ANKLE2: variants seen among roughly 807,000 people sequenced by gnomAD.
ANKLE2 encodes the protein ankyrin repeat and LEM domain-containing protein 2.
In ANKLE2, 55 loss-of-function variants were observed where a neutral mutation model predicts 84.2. That is an observed-to-expected ratio of 0.65 (90% CI 0.53 to 0.82). ANKLE2 has a LOEUF of 0.82. ANKLE2 is among the 40% of genes least tolerant of loss of function. The pLI is 0.00. For synonymous variants in ANKLE2, 551 were observed against 486.1 expected (o/e 1.13, Z -1.76); for missense variants, 1,238 against 1,201.9 (o/e 1.03, Z -0.44).
intron 2 of ANKLE2, among the ~76,000 whole-genome samples, chr12:132,751,960 T>A (rs1355376674): frequency 2.0e-5 from 3 of 152,206 alleles, no homozygotes; most frequent in Non-Finnish European, 4.4e-5. Flanking sequence ...GAGACTATCG[T>A]AAATACATAA....
At chr12:132,738,461 C>G (rs1163761349) in intron 7 of ANKLE2, 1 of 152,148 alleles carries the variant, frequency 6.6e-6, no homozygotes, top group Admixed American at 6.5e-5. Context: ...GCTTCCTTTA[C>G]AGTCAATCAT....
chr12:132,754,984 G>C lies in ANKLE2; in HGVS notation c.331C>G (p.Leu111Val). 6.2e-7 allele frequency: 1 copy of C among 1,614,156 alleles called. No individual in the cohort carries two copies. Among genetic ancestry groups the C allele is most frequent in the Non-Finnish European group, 8.5e-7 (1 of 1,180,034 alleles). ...GAAGACAGCCTTCCTCCTTGCTCCA[G>C]TAAAGCCTGAGCCAATTTTTTCTCA... is the stretch of plus-strand genomic sequence containing the variant. ...IFEKKLAQAL[L>V]EQGGRLSSFY... The change falls in exon 2 of 13, where the codon CTG becomes GTG. Residue 111 changes from leucine (L) to valine (V), a missense_variant. Physicochemically the swap from Leu to Val is conservative, Grantham distance 32. Around this residue, in one of 3 missense-constraint regions of ANKLE2, gnomAD observed 422 missense variants for 394.5 expected, o/e 1.07. Coordinates refer to ENST00000357997, the MANE Select transcript of ANKLE2 (RefSeq NM_015114.3).
chr12:132,734,497 C>T lies in ANKLE2; in HGVS notation c.1779G>A (p.Gln593=). ...FLGCFVDLSS[Q]EGLQRLEEYL... The stretch of plus-strand genomic sequence containing the variant: ...ATTCTTCTAGTCTTTGCAGGCCTTC[C>T]TGGGAAGACAGATCAACAAAACAGC... Residue 593 remains glutamine, a synonymous_variant, in exon 10 of 13, where the codon CAG becomes CAA. Transcript: ENST00000357997. 6.2e-7 allele frequency: 1 copy of T among 1,614,048 alleles called. No individual in the cohort carries two copies. The highest frequency in any genetic ancestry group is 2.2e-5 in the East Asian group (1 of 44,878).
intron 3 of ANKLE2, among the ~76,000 whole-genome samples, chr12:132,749,661 G>A (rs1376008544): frequency 6.6e-6 from 1 of 152,202 alleles, no homozygotes; most frequent in Non-Finnish European, 1.5e-5. Context: ...TGTGAGCTGC[G>A]AGAGGGAGCA....
At chr12:132,751,967 A>G (rs56278102) in intron 2 of ANKLE2, among the ~76,000 whole-genome samples, 7,537 of 152,348 alleles carry the variant, frequency 0.049, 608 homozygotes, top group African/African-American at 0.17. Flanking sequence ...TCGTAAATAC[A>G]TAAGATATAC....
chr12:132,742,172 T>C (rs536338542), intron 6 of ANKLE2: 2 of 241,678 alleles, frequency 8.3e-6, no homozygotes, highest in African/African-American at 5.1e-5. Flanking sequence ...CATTCTTATG[T>C]TGAAGTACAG....
Position 132,754,837 on chromosome 12 carries a change from T to G in ANKLE2, c.478A>C (p.Ser160Arg). The G allele has an allele frequency of 3.1e-6, 5 of 1,614,172 alleles. No individual in the cohort carries two copies. Among genetic ancestry groups the G allele is most frequent in the African/African-American group, 1.3e-5 (1 of 75,030 alleles). The change falls in exon 2 of 13, where the codon AGT (serine) becomes CGT (arginine). Residue 160 changes from serine to arginine, a missense_variant. By Grantham distance (110) the Ser-to-Arg change is moderately radical. Around this residue, in one of 3 missense-constraint regions of ANKLE2, gnomAD observed 422 missense variants for 394.5 expected, o/e 1.07. Transcript: ENST00000357997. The part of the protein sequence containing the change: ...GFSEDRDFGY[S>R]VGLNPPEEEA... ...TCCTCTGGAGGATTCAGGCCCACAC[T>G]GTAACCAAAATCTCTGTCTTCAGAA...
chr12:132,745,688 G>C (rs1259759347), intron 5 of ANKLE2: 1 of 178,594 alleles, frequency 5.6e-6, no homozygotes, highest in African/African-American at 2.4e-5. Flanking sequence ...ACAGAGAACA[G>C]CAAGGACAAT....
At position 132,734,489 on chromosome 12, in the gene ANKLE2, A is replaced by C. The variant is rs747456399; in HGVS notation, c.1787T>G (p.Leu596Arg). 1 of 1,614,088 alleles carries C rather than the reference A, an allele frequency of 6.2e-7. No individual in the cohort carries two copies. The highest frequency in any genetic ancestry group is 8.5e-7 in the Non-Finnish European group (1 of 1,180,008). The change falls in exon 10 of 13, where the codon CTG becomes CGG. Residue 596 changes from leucine to arginine, a missense_variant. By Grantham distance (102) the Leu-to-Arg change is moderately radical. Around this residue, in one of 3 missense-constraint regions of ANKLE2, gnomAD observed 802 missense variants for 774.5 expected, o/e 1.04. Transcript: ENST00000357997. Reference protein sequence around the residue: ...CFVDLSSQEGLQRLEEYLTQQ... With the variant: ...CFVDLSSQEGRQRLEEYLTQQ... ...TGTGAGATATTCTTCTAGTCTTTGCAGGCCTTCCTGGGAAGACAGATCAAC... is the reference window on the plus strand; with the variant it reads ...TGTGAGATATTCTTCTAGTCTTTGCCGGCCTTCCTGGGAAGACAGATCAAC...
At chr12:132,745,670 C>T (rs771111243) in intron 5 of ANKLE2, 1 of 172,356 alleles carries the variant, frequency 5.8e-6, no homozygotes, top group Non-Finnish European at 1.3e-5. Context: ...AGTCTAAGGT[C>T]GTGGGTGACA....
At chr12:132,744,699 G>A (rs2044198687) in intron 5 of ANKLE2, among the ~76,000 whole-genome samples, 1 of 150,924 alleles carries the variant, frequency 6.6e-6, no homozygotes, top group South Asian at 2.1e-4. Flanking sequence ...CTTTTTTTTT[G>A]AGACAGAGTC....
chr12:132,746,197 A>C (rs1016005292), intron 5 of ANKLE2, among the ~76,000 whole-genome samples: 1 of 152,088 alleles, frequency 6.6e-6, no homozygotes, highest in Non-Finnish European at 1.5e-5. Flanking sequence ...AAATACAAAA[A>C]AATTAGCCAG....
At position 132,754,757 on chromosome 12, in the gene ANKLE2, G is replaced by A; in HGVS notation, c.558C>T (p.Tyr186=). 6.2e-7 allele frequency: 1 copy of A among 1,614,142 alleles called. No individual in the cohort carries two copies. Among genetic ancestry groups the A allele is most frequent in the Non-Finnish European group, 8.5e-7 (1 of 1,180,030 alleles). Residue 186 remains tyrosine, a synonymous_variant, in exon 2 of 13, where the codon TAC becomes TAT. Transcript: ENST00000357997. ...CCTTAGACGCAGTCGCTCCAGCTCT[G>A]TAGGTGTCGGTGTCACTAGGGGGCA... The part of the protein sequence containing the change: ...CSVPPSDTDT[Y]RAGATASKEP...
rs1199165065 is a variant in ANKLE2 at position 132,743,961 on chromosome 12, G to A, written c.1231-685C>T. Among the ~76,000 whole-genome samples, 7 of 152,272 alleles carry A rather than the reference G, an allele frequency of 4.6e-5. No homozygotes were observed. The highest frequency in any genetic ancestry group is 4.1e-4 in the South Asian group (2 of 4,830). On this transcript the variant is annotated intron_variant, in intron 5 of 12. Transcript: ENST00000357997. This position sits in a 1 kb window ranked among gnomAD's most constrained non-coding sequence, Gnocchi z 4.1. ...GGTCTGTACTCAAAGAAGTCTCTGC[G>A]GCCTGTGACACCACAGTAAACGAAA...
chr12:132,735,808 G>A (rs1484577790), intron 8 of ANKLE2, among the ~76,000 whole-genome samples: 6 of 152,196 alleles, frequency 3.9e-5, no homozygotes, highest in African/African-American at 9.7e-5. Context: ...GACAGTGGAC[G>A]GCTCGGAGCT....
At chr12:132,735,889 C>A (rs2043999683) in intron 8 of ANKLE2, among the ~76,000 whole-genome samples, 1 of 152,248 alleles carries the variant, frequency 6.6e-6, no homozygotes, top group African/African-American at 2.4e-5. Context: ...AGTCACTCTC[C>A]CTAGAGCTTT....
intron 6 of ANKLE2, chr12:132,742,005 C>T (rs1333629148): frequency 2.9e-6 from 1 of 347,842 alleles, no homozygotes; most frequent in Admixed American, 4.3e-5. Context: ...GAAAAACCAA[C>T]AACCTTCAAA....
At chr12:132,754,152 G>C (rs543593126) in intron 2 of ANKLE2, among the ~76,000 whole-genome samples, 101 of 152,226 alleles carry the variant, frequency 6.6e-4, no homozygotes, top group Middle Eastern at 3.4e-3. Context: ...TGAGGCAGGA[G>C]AATCGCTTAA....
In ANKLE2 at chr12:132,730,109, G is replaced by A. The variant is rs1399379785; in HGVS notation, c.2053C>T (p.Leu685Phe). The A allele has an allele frequency of 2.4e-5, 38 of 1,612,422 alleles. No homozygotes were observed. The highest frequency in any genetic ancestry group is 3.2e-5 in the Non-Finnish European group (38 of 1,179,770). The change falls in exon 11 of 13, where the codon CTC becomes TTC. Residue 685 changes from leucine to phenylalanine, a missense_variant. By Grantham distance (22) the Leu-to-Phe change is conservative. This residue lies in a region of ANKLE2 where 802 missense variants were observed against 774.5 expected (regional missense o/e 1.04). Transcript: ENST00000357997. ...CCTCCCGGCTCGGCGGCTTCTATGA[G>A]GTCTGCCTCCTGCTCCAAGGGGAAG... The part of the protein sequence containing the change: ...SAFPLEQEAD[L>F]IEAAEPGGPH...
Sources: allele counts gnomAD v4.1 joint callset (sites outside exome capture counted in the v4.1 genomes callset), GRCh38; gene constraint gnomAD v4.1.1; regional missense constraint gnomAD v4.1.1; non-coding constraint Gnocchi (gnomAD v3.1); transcripts MANE v1.5; gene names NCBI Gene and HGNC (gene_info 2026-07-23, HGNC 2026-07-21).